RSRC1: variants seen among roughly 807,000 people sequenced by gnomAD.
RSRC1 encodes the protein arginine and serine rich coiled-coil 1, also known as serine/Arginine-related protein 53.
A neutral mutation model predicts 49.1 loss-of-function variants in RSRC1; 39 were observed. The observed-to-expected ratio is 0.79, with a 90% CI of 0.61 to 1.04. The LOEUF (loss-of-function observed/expected upper bound fraction) is 1.04, where lower values mean the gene tolerates loss of function less well. Ranked by LOEUF, RSRC1 falls within the 50% of genes least tolerant of loss-of-function variation. The pLI is 0.00. For missense variants in RSRC1, 388 were observed against 402.4 expected (o/e 0.96, Z 0.31); for synonymous variants, 143 against 130.8 (o/e 1.09, Z -0.63).
Position 158,266,368 on chromosome 3 carries a change from T to C in RSRC1, c.495-31671T>C, listed in dbSNP as rs191159718. Among the ~76,000 whole-genome samples the C allele has an allele frequency of 1.2e-3, 185 of 152,280 alleles. 2 individuals carry two copies. Among genetic ancestry groups the C allele is most frequent in the Non-Finnish European group, 1.6e-3 (111 of 68,002 alleles). On this transcript the variant is annotated intron_variant, in intron 4 of 9. Transcript: ENST00000611884. Reference sequence around the variant, plus strand: ...GCTATAAATTTTCTGTAAGCACTACTTTTAATTGTTATATATTTTGAGCTT... The same window carrying C: ...GCTATAAATTTTCTGTAAGCACTACCTTTAATTGTTATATATTTTGAGCTT...
chr3:158,168,677 G>T (rs908661737), intron 3 of RSRC1, among the ~76,000 whole-genome samples: 17 of 152,056 alleles, frequency 1.1e-4, no homozygotes, highest in Non-Finnish European at 2.5e-4. Flanking sequence ...TGCAATTTTG[G>T]TTATAATTTT....
chr3:158,487,949 G>GGAAAAAAAAA (rs1553814781), intron 7 of RSRC1, among the ~76,000 whole-genome samples: 324 of 28,882 alleles, frequency 0.011, 45 homozygotes, highest in Non-Finnish European at 0.016. Flanking sequence ...TCCATCTCAA[G>GGAAAAAAAAA]AAAAAAAAAA....
intron 7 of RSRC1, among the ~76,000 whole-genome samples, chr3:158,477,130 G>T (rs1482305842): frequency 1.3e-5 from 2 of 152,124 alleles, no homozygotes; most frequent in Non-Finnish European, 1.5e-5. Flanking sequence ...TGCTTCTTAT[G>T]GATGAGCAAA....
intron 3 of RSRC1, among the ~76,000 whole-genome samples, chr3:158,164,545 T>G (rs1194701366): frequency 6.6e-6 from 1 of 152,132 alleles, no homozygotes; most frequent in Non-Finnish European, 1.5e-5. Context: ...AGTGTTTTTT[T>G]TCTTTGTTTA....
At chr3:158,309,630 C>G (rs1184117225) in intron 5 of RSRC1, among the ~76,000 whole-genome samples, 1 of 151,732 alleles carries the variant, frequency 6.6e-6, no homozygotes, top group Non-Finnish European at 1.5e-5. Flanking sequence ...CTGGTACACT[C>G]TTATAAAAAA....
At chr3:158,328,418 G>A (rs1470962553) in intron 5 of RSRC1, among the ~76,000 whole-genome samples, 3 of 141,482 alleles carry the variant, frequency 2.1e-5, no homozygotes, top group Non-Finnish European at 4.8e-5. Flanking sequence ...GCTCTTGTAG[G>A]GCAGGCCTGG....
intron 6 of RSRC1, among the ~76,000 whole-genome samples, chr3:158,406,058 T>G (rs1404293510): frequency 6.6e-6 from 1 of 152,118 alleles, no homozygotes; most frequent in African/African-American, 2.4e-5. Flanking sequence ...TTTTCAACTT[T>G]GTTTGCAAAT....
chr3:158,414,397 T>C (rs1734630929), intron 6 of RSRC1, among the ~76,000 whole-genome samples: 1 of 151,816 alleles, frequency 6.6e-6, no homozygotes, highest in African/African-American at 2.4e-5. Flanking sequence ...CTGGGGCCTG[T>C]CGGGGGTCAG....
chr3:158,440,508 A>T (rs1054934310), intron 6 of RSRC1, among the ~76,000 whole-genome samples: 37 of 152,130 alleles, frequency 2.4e-4, no homozygotes, highest in African/African-American at 8.4e-4. Flanking sequence ...ATTATTGAAA[A>T]TTTAAATTAT....
At chr3:158,356,069 A>T (rs1467484680) in intron 6 of RSRC1, among the ~76,000 whole-genome samples, 1 of 151,974 alleles carries the variant, frequency 6.6e-6, no homozygotes, top group East Asian at 1.9e-4. Context: ...CTCACTCTCA[A>T]AATATCTTGT....
At chr3:158,134,098 GAAT>G (rs1716208882) in intron 3 of RSRC1, among the ~76,000 whole-genome samples, 1 of 81,178 alleles carries the variant, frequency 1.2e-5, no homozygotes, top group Non-Finnish European at 2.5e-5. Context: ...AAGGAAATGA[GAAT>G]AATAATATCA....
At chr3:158,543,749 C>CT (rs34676157) in intron 9 of RSRC1, 63,753 of 258,536 alleles carry the variant, frequency 0.25, 6,137 homozygotes, top group South Asian at 0.28. Context: ...GCATTTTTTC[C>CT]TTTTTTTTTT....
intron 4 of RSRC1, chr3:158,276,203 G>T (rs1291618992): frequency 5.0e-6 from 4 of 800,864 alleles, no homozygotes; most frequent in Non-Finnish European, 8.8e-6. Flanking sequence ...TAGGAACTGG[G>T]CATTTTCGGC....
intron 7 of RSRC1, among the ~76,000 whole-genome samples, chr3:158,477,111 A>T (rs1406914919): frequency 6.6e-6 from 1 of 152,150 alleles, no homozygotes; most frequent in Non-Finnish European, 1.5e-5. Flanking sequence ...ACATGAACAA[A>T]TGAGTAGTTG....
At chr3:158,374,437 C>T (rs571146226) in intron 6 of RSRC1, among the ~76,000 whole-genome samples, 1 of 152,218 alleles carries the variant, frequency 6.6e-6, no homozygotes, top group Admixed American at 6.5e-5. Context: ...ACCTCCCATT[C>T]ATAAATTGGA....
chr3:158,189,399 A>T (rs1720099738), intron 3 of RSRC1, among the ~76,000 whole-genome samples: 2 of 151,890 alleles, frequency 1.3e-5, no homozygotes, highest in African/African-American at 4.8e-5. Context: ...TCTGCCTTTA[A>T]GTTTTGTCAA....
chr3:158,366,143 T>C (rs1419837526), intron 6 of RSRC1, among the ~76,000 whole-genome samples: 2 of 152,230 alleles, frequency 1.3e-5, no homozygotes, highest in Non-Finnish European at 2.9e-5. Context: ...AGAAGCTCTT[T>C]AGTTTAATTA....
intron 4 of RSRC1, among the ~76,000 whole-genome samples, chr3:158,233,833 T>C (rs918109557): frequency 1.3e-5 from 2 of 152,202 alleles, no homozygotes; most frequent in Non-Finnish European, 2.9e-5. Flanking sequence ...TACCTCATGC[T>C]CTGGGCTATA....
intron 3 of RSRC1, among the ~76,000 whole-genome samples, chr3:158,147,102 CTTTTTTTTTTTTTTTT>C (rs35460810): frequency 5.8e-5 from 2 of 34,732 alleles, no homozygotes; most frequent in South Asian, 2.0e-3. Context: ...GCTTTTCTGC[CTTTTTTTTTTTTTTTT>C]TTTTTTTTTT....
Sources: allele counts gnomAD v4.1 joint callset (sites outside exome capture counted in the v4.1 genomes callset), GRCh38; gene constraint gnomAD v4.1.1; transcripts MANE v1.5; gene names NCBI Gene and HGNC (gene_info 2026-07-23, HGNC 2026-07-21).